Variants in PPIP5K2 observed in about 807,000 individuals in gnomAD.
PPIP5K2 encodes the protein diphosphoinositol pentakisphosphate kinase 2, also known as inositol hexakisphosphate and diphosphoinositol-pentakisphosphate kinase 2.
PPIP5K2 carries 105 observed loss-of-function variants against 154.6 expected under a neutral mutation model. That is an observed-to-expected ratio of 0.68 (90% confidence interval 0.58 to 0.80). The LOEUF is 0.80. PPIP5K2 is among the 30% of genes least tolerant of loss of function. PPIP5K2 has a pLI of 0.00. For missense variants in PPIP5K2, 992 were observed against 1,504.6 expected (o/e 0.66, Z 5.64); for synonymous variants, 480 against 490.3 (o/e 0.98, Z 0.28).
intron 13 of PPIP5K2, among the ~76,000 whole-genome samples, chr5:103,155,367 G>GT (rs1203591898): frequency 1.5e-5 from 1 of 65,442 alleles, no homozygotes; most frequent in Non-Finnish European, 3.3e-5. Flanking sequence ...ATACATCTGT[G>GT]TTTTTACATA....
rs1263654497 is a variant in PPIP5K2 at position 103,202,027 on chromosome 5, G to T, written c.*393G>T. 3 of 157,264 alleles carry T rather than the reference G, an allele frequency of 1.9e-5. No homozygotes were observed. Among genetic ancestry groups the T allele is most frequent in the African/African-American group, 7.2e-5 (3 of 41,502 alleles). The allele number at this position is 157,264 out of a possible 1,614,324, so 9.7% of individuals were successfully genotyped here. A position where few individuals can be genotyped will look rare whatever the true frequency, so the allele number is the denominator to read the frequency against. On this transcript the variant is annotated 3_prime_UTR_variant, in exon 31 of 31. Transcript: ENST00000358359. ...TCTTAGCTGTTAAAACTTCTAGATT[G>T]AAATTTGACAGCCAGGGTTACATAT...
intron 3 of PPIP5K2, chr5:103,135,911 T>A (rs1791406881): frequency 6.6e-6 from 1 of 152,026 alleles, no homozygotes; most frequent in African/African-American, 2.4e-5. Context: ...ATAGCATGAT[T>A]CTGCTCATAT....
chr5:103,170,834 GA>G (rs1554219383), intron 19 of PPIP5K2, among the ~76,000 whole-genome samples: 3 of 151,378 alleles, frequency 2.0e-5, no homozygotes, highest in Admixed American at 1.3e-4. Flanking sequence ...GTTTGTAATG[GA>G]AAAAAATAAA....
Position 103,186,649 on chromosome 5 carries a change from T to C in PPIP5K2, c.3289+210T>C, listed in dbSNP as rs148497979. Among the ~76,000 whole-genome samples the C allele has an allele frequency of 1.5e-4, 23 of 152,336 alleles. No homozygotes were observed. The East Asian group carries it at 1.5e-3, about 10-fold the overall frequency. ...ATTGTAGTTAGATTTACAGTACTTG[T>C]ACAATAAGTTTGTTGAAATGGAAAA... is the stretch of plus-strand genomic sequence containing the variant. On this transcript the variant is annotated intron_variant, in intron 27 of 30. Transcript: ENST00000358359.
At position 103,159,375 on chromosome 5, in the gene PPIP5K2, G is replaced by C. The variant is rs781960042; in HGVS notation, c.1920+47G>C. 2.8e-6 allele frequency: 4 copies of C among 1,439,714 alleles called. No individual in the cohort carries two copies. In the East Asian group the frequency reaches 9.4e-5, roughly 34 times the overall value. The allele number at this position is 1,439,714 out of a possible 1,614,324, so 89.2% of individuals were successfully genotyped here. On this transcript the variant is annotated intron_variant, in intron 17 of 30. Transcript: ENST00000358359. ...TATTGTGAAATATTACACACACACA[G>C]AAAAGTGATAAGTGCATAAAACATA...
At chr5:103,169,084 TC>T (rs1797556307) in intron 19 of PPIP5K2, among the ~76,000 whole-genome samples, 1 of 151,864 alleles carries the variant, frequency 6.6e-6, no homozygotes, top group Non-Finnish European at 1.5e-5. Context: ...GGGACATGGG[TC>T]TTTTCATTAT....
At chr5:103,178,827 T>C (rs1330737877) in intron 23 of PPIP5K2, among the ~76,000 whole-genome samples, 1 of 151,800 alleles carries the variant, frequency 6.6e-6, no homozygotes, top group Non-Finnish European at 1.5e-5. Context: ...CAAATAATTG[T>C]TTTACACCAT....
intron 30 of PPIP5K2, 79 bp from the exon 31 acceptor site, chr5:103,201,443 A>G (rs1016301484): frequency 1.0e-5 from 8 of 772,096 alleles, no homozygotes; most frequent in African/African-American, 7.2e-5. Context: ...TGTTTTGTCA[A>G]TCAGCAGTAT....
intron 7 of PPIP5K2, 148 bp from the exon 8 acceptor site, chr5:103,149,004 T>G (rs1554210295): frequency 3.4e-6 from 2 of 589,484 alleles, no homozygotes; most frequent in African/African-American, 3.8e-5. Flanking sequence ...ACTGAAAATT[T>G]GGGCATGTAA....
At chr5:103,148,799 G>GT (rs142890866) in intron 7 of PPIP5K2, among the ~76,000 whole-genome samples, 1,892 of 147,996 alleles carry the variant, frequency 0.013, 29 homozygotes, top group African/African-American at 0.044. Context: ...CTTTTGGAAG[G>GT]TTTTTTTTTT....
At chr5:103,140,987 C>T (rs1373384884) in intron 5 of PPIP5K2, among the ~76,000 whole-genome samples, 2 of 151,990 alleles carry the variant, frequency 1.3e-5, no homozygotes, top group African/African-American at 4.8e-5. Flanking sequence ...AGATCTTTTA[C>T]AGGAAATGCT....
In PPIP5K2 at chr5:103,206,290, A is replaced by G. The variant is rs1263341968; in HGVS notation, c.*4656A>G. The G allele has an allele frequency of 6.6e-6, 1 of 152,216 alleles. No individual in the cohort carries two copies. The highest frequency in any genetic ancestry group is 6.5e-5 in the Admixed American group (1 of 15,278). 9.4% of individuals were successfully genotyped at this position (152,216 alleles called of 1,614,324 possible). A position where few individuals can be genotyped will look rare whatever the true frequency, so the allele number is the denominator to read the frequency against. ...CCCAAAGTTGTTTTCTCTCGTGTTA[A>G]CAATAATTGCTGTCGGTTTCAGTGA... On this transcript the variant is annotated 3_prime_UTR_variant, in exon 31 of 31. Transcript: ENST00000358359.
At chr5:103,125,630 C>G (rs1262299614) in intron 1 of PPIP5K2, among the ~76,000 whole-genome samples, 1 of 151,992 alleles carries the variant, frequency 6.6e-6, no homozygotes, top group Non-Finnish European at 1.5e-5. Flanking sequence ...TATTTCATCT[C>G]CTTCTATTTT....
intron 5 of PPIP5K2, among the ~76,000 whole-genome samples, chr5:103,142,677 G>A (rs1554207580): frequency 2.6e-5 from 4 of 151,850 alleles, no homozygotes; most frequent in Non-Finnish European, 5.9e-5. Flanking sequence ...TCGGGAGGCT[G>A]AGGCAGGAGA....
At chr5:103,186,202 G>T in intron 26 of PPIP5K2, 118 bp from the exon 27 acceptor site, 1 of 1,276,234 alleles carries the variant, frequency 7.8e-7, no homozygotes, top group South Asian at 1.4e-5. Flanking sequence ...GCCTGTTCAA[G>T]GCACTTCCAA....
At position 103,173,759 on chromosome 5, in the gene PPIP5K2, T is replaced by C. The variant is rs1296686113; in HGVS notation, c.2415-99T>C. 14 of 813,476 alleles carry C rather than the reference T, an allele frequency of 1.7e-5. No homozygotes were observed. The Admixed American group carries it at 3.6e-4, about 21-fold the overall frequency. The allele number at this position is 813,476 out of a possible 1,614,324, so 50.4% of individuals were successfully genotyped here. A position where few individuals can be genotyped will look rare whatever the true frequency, so the allele number is the denominator to read the frequency against. ...ATAATAGATTTTTGTGGTCTTTTAC[T>C]TCTAGTGAAATTACATTTAATTTTA... On this transcript the variant is annotated intron_variant, in intron 20 of 30. Transcript: ENST00000358359.
intron 3 of PPIP5K2, among the ~76,000 whole-genome samples, chr5:103,133,999 A>T (rs1791068958): frequency 6.6e-6 from 1 of 152,062 alleles, no homozygotes; most frequent in African/African-American, 2.4e-5. Flanking sequence ...CAATATCCTA[A>T]CATTTGGAAA....
At chr5:103,134,264 AGTATT>A (rs1378864134) in intron 3 of PPIP5K2, among the ~76,000 whole-genome samples, 1 of 152,182 alleles carries the variant, frequency 6.6e-6, no homozygotes, top group Non-Finnish European at 1.5e-5. Flanking sequence ...CTTCAGCTTA[AGTATT>A]ATGTCATTGT....
At chr5:103,170,765 C>T (rs1797860952) in intron 19 of PPIP5K2, among the ~76,000 whole-genome samples, 2 of 151,114 alleles carry the variant, frequency 1.3e-5, no homozygotes, top group African/African-American at 4.8e-5. Flanking sequence ...TATTTTCAAT[C>T]ACCAAAAATA....
Sources: gnomAD v4.1 joint callset for allele counts (sites outside exome capture counted in the v4.1 genomes callset) on GRCh38, gnomAD v4.1.1 for gene constraint, MANE v1.5 for transcripts, NCBI Gene and HGNC (gene_info 2026-07-23, HGNC 2026-07-21) for gene names.